The following CYB561A3 variants were observed in gnomAD, a reference collection of about 807,000 sequenced individuals.
CYB561A3 encodes lysosomal membrane ascorbate-dependent ferrireductase CYB561A3.
In CYB561A3, 16 loss-of-function variants were observed where a neutral mutation model predicts 25.3. The observed-to-expected ratio is 0.63, with a 90% CI of 0.43 to 0.96. CYB561A3 has a LOEUF of 0.96. Among genes scored for constraint, CYB561A3 ranks in the 40% least tolerant of loss-of-function variants. CYB561A3 has a pLI of 0.00. For missense variants in CYB561A3, 219 were observed against 307.5 expected, an observed-to-expected ratio of 0.71 and a Z score of 2.15; for synonymous variants, 131 against 129.9, an observed-to-expected ratio of 1.01 and a Z score of -0.06.
chr11:61,349,645 TG>T lies in CYB561A3; in HGVS notation c.*753del, dbSNP rs1011364907. On this transcript the variant is annotated 3_prime_UTR_variant, in exon 7 of 7. Transcript: ENST00000294072. ...TCCAGGCCTCAGCTGTAGCAGCAGC[TG>T]GAAGAGGTGGAGCCGCACGGTCACA... 42 of 702,756 alleles carry T rather than the reference TG, an allele frequency of 6.0e-5. No individual in the cohort carries two copies. The highest frequency in any genetic ancestry group is 1.1e-4 in the Non-Finnish European group (41 of 384,982). The allele number at this position is 702,756 out of a possible 1,614,324, so 43.5% of individuals were successfully genotyped here. A position where few individuals can be genotyped will look rare whatever the true frequency, so the allele number is the denominator to read the frequency against.
chr11:61,350,790 T>G (rs1857367412), intron 6 of CYB561A3: 1 of 702,382 alleles, frequency 1.4e-6, no homozygotes, highest in Non-Finnish European at 2.3e-6. Flanking sequence ...ATGGACAGAC[T>G]GGGGAGTCCC....
Position 61,353,067 on chromosome 11 carries a change from G to C in CYB561A3, c.466C>G (p.His156Asp). ...AGGATGGCGGCTCCAAAAAAGACGTGGATAGGTTTTAGGAGGCTGCGCAGC... is the reference window on the plus strand; with the variant it reads ...AGGATGGCGGCTCCAAAAAAGACGTCGATAGGTTTTAGGAGGCTGCGCAGC... Reference protein sequence around the residue: ...MWLRSLLKPIHVFFGAAILSL... With the variant: ...MWLRSLLKPIDVFFGAAILSL... Residue 156 changes from histidine (H) to aspartate (D), a missense_variant, in exon 5 of 7, where the codon CAC (histidine) becomes GAC (aspartate). Coordinates refer to ENST00000294072, the MANE Select transcript of CYB561A3 (RefSeq NM_153611.6). 1 of 1,614,172 alleles carries C rather than the reference G, an allele frequency of 6.2e-7. No individual in the cohort carries two copies. Among genetic ancestry groups the C allele is most frequent in the Non-Finnish European group, 8.5e-7 (1 of 1,180,034 alleles).
chr11:61,350,627 C>T (rs940405765), intron 6 of CYB561A3: 1 of 637,136 alleles, frequency 1.6e-6, no homozygotes, highest in Admixed American at 2.9e-5. Flanking sequence ...CTCAGCTGGT[C>T]ACCAGGCACC....
chr11:61,354,606 A>C (rs1373922720), intron 3 of CYB561A3: 1 of 152,264 alleles, frequency 6.6e-6, no homozygotes, highest in Non-Finnish European at 1.5e-5. Flanking sequence ...ATCCCACTGC[A>C]CTCTAGCCTG....
intron 1 of CYB561A3, chr11:61,360,331 T>C (rs1277246963): frequency 6.6e-6 from 1 of 152,172 alleles, no homozygotes; most frequent in African/African-American, 2.4e-5. Context: ...TGGGCTGTGA[T>C]CCCAGGGTGT....
intron 3 of CYB561A3, chr11:61,354,295 T>A: frequency 2.4e-6 from 1 of 412,256 alleles, no homozygotes; most frequent in Non-Finnish European, 4.5e-6. Flanking sequence ...AGTTTGAGGT[T>A]ACAGTGAGCT....
chr11:61,353,184 C>G (rs1464935424), intron 4 of CYB561A3, 45 bp from the exon 5 acceptor site: 1 of 1,542,740 alleles, frequency 6.5e-7, no homozygotes, highest in Non-Finnish European at 8.7e-7. Context: ...TATGTGTGAC[C>G]AAAGCACATC....
chr11:61,355,061 G>A (rs1027375434), intron 3 of CYB561A3, among the ~76,000 whole-genome samples: 1 of 151,806 alleles, frequency 6.6e-6, no homozygotes, highest in African/African-American at 2.4e-5. Flanking sequence ...GTAGAGACGG[G>A]GTTTCACTGT....
upstream of CYB561A3, chr11:61,362,112 G>T: frequency 6.6e-6 from 1 of 152,524 alleles, no homozygotes; most frequent in Non-Finnish European, 1.5e-5. Context: ...TCCAGAGGAG[G>T]CGGAAATGTT....
At chr11:61,353,168 CTG>C in intron 4 of CYB561A3, 29 bp from the exon 5 acceptor site, 1 of 1,576,194 alleles carries the variant, frequency 6.3e-7, no homozygotes, top group Non-Finnish European at 8.6e-7. Flanking sequence ...ACACACCCGA[CTG>C]TGCTATGTGT....
At chr11:61,353,443 A>T in intron 4 of CYB561A3, 1 of 643,730 alleles carries the variant, frequency 1.6e-6, no homozygotes. Flanking sequence ...TGAGATCAGA[A>T]TATGGAAACC....
intron 3 of CYB561A3, 164 bp downstream of exon 3, chr11:61,356,366 A>T: frequency 2.5e-5 from 20 of 789,114 alleles, no homozygotes; most frequent in East Asian, 8.6e-5. Context: ...CCCCCATCTT[A>T]ACCCCTTCCT....
At chr11:61,354,930 G>A (rs1481635020) in intron 3 of CYB561A3, among the ~76,000 whole-genome samples, 2 of 148,094 alleles carry the variant, frequency 1.4e-5, no homozygotes, top group South Asian at 4.3e-4. Context: ...GTGCAGCGGC[G>A]CAATCTCAGC....
chr11:61,353,252 A>C, intron 4 of CYB561A3, 113 bp from the exon 5 acceptor site: 1 of 1,354,112 alleles, frequency 7.4e-7, no homozygotes, highest in Non-Finnish European at 9.9e-7. Context: ...TCACAACTCA[A>C]ACCTTCCCAC....
At chr11:61,361,152 C>T (rs977628149) in intron 1 of CYB561A3, 2 of 152,084 alleles carry the variant, frequency 1.3e-5, no homozygotes, top group African/African-American at 4.8e-5. Flanking sequence ...GGATACAAGC[C>T]CTAAACCCTC....
intron 4 of CYB561A3, chr11:61,353,441 G>C (rs1425492796): frequency 1.6e-6 from 1 of 644,308 alleles, no homozygotes. Flanking sequence ...CCTGAGATCA[G>C]AATATGGAAA....
intron 5 of CYB561A3, 192 bp downstream of exon 5, chr11:61,352,793 T>C: frequency 7.0e-7 from 1 of 1,437,830 alleles, no homozygotes; most frequent in Non-Finnish European, 9.1e-7. Flanking sequence ...ATCAAACTGA[T>C]GCTCAATAAA....
chr11:61,354,845 A>G (rs1162889334), intron 3 of CYB561A3: 2 of 149,580 alleles, frequency 1.3e-5, no homozygotes, highest in African/African-American at 4.9e-5. Context: ...TCTGCCTCTT[A>G]GCTGTTTGGC....
rs1857385656 is a variant in CYB561A3, at chr11:61,351,122, T to A, written c.574A>T (p.Ser192Cys). The A allele has an allele frequency of 6.2e-7, 1 of 1,613,638 alleles. No individual in the cohort carries two copies. Among genetic ancestry groups the A allele is most frequent in the African/African-American group, 1.3e-5 (1 of 74,992 alleles). The change falls in exon 6 of 7, where the codon AGC (serine) becomes TGC (cysteine). Residue 192 changes from serine to cysteine, a missense_variant. Ser to Cys is a moderately radical substitution (Grantham distance 112). Transcript: ENST00000294072. ...SLKNTTRPYH[S>C]LPSEAVFANS... ...GCAAAGACCGCCTCACTGGGCAGGC[T>A]GTGGTATGGCCTGGTGGTGTTTTTC...
Sources: allele counts gnomAD v4.1 joint callset (sites outside exome capture counted in the v4.1 genomes callset), GRCh38; gene constraint gnomAD v4.1.1; transcripts MANE v1.5; gene names NCBI Gene and HGNC (gene_info 2026-07-23, HGNC 2026-07-21).